The following RB1CC1 variants were observed in gnomAD, a reference collection of about 807,000 sequenced individuals.
RB1CC1 encodes RB1-inducible coiled-coil protein 1.
In RB1CC1, 46 loss-of-function variants were observed where a neutral mutation model predicts 177.5. The observed-to-expected ratio is 0.26, with a 90% CI of 0.20 to 0.33. The LOEUF is 0.33. Ranked by LOEUF, RB1CC1 falls within the 10% of genes least tolerant of loss-of-function variation. The pLI, the probability that RB1CC1 is intolerant of heterozygous loss-of-function variation, is 1.00. For missense variants in RB1CC1, 1,703 were observed against 1,816.3 expected, an observed-to-expected ratio of 0.94 and a Z score of 1.13; for synonymous variants, 666 against 613.6, an observed-to-expected ratio of 1.09 and a Z score of -1.26.
rs766310491 is a variant in RB1CC1 at position 52,642,401 on chromosome 8, T to G, written c.4287A>C (p.Ala1429=). 6.8e-6 allele frequency: 11 copies of G among 1,614,000 alleles called. No individual in the cohort carries two copies. Among genetic ancestry groups the G allele is most frequent in the Middle Eastern group, 1.6e-4 (1 of 6,080 alleles). Residue 1429 remains alanine (A), a synonymous_variant, in exon 18 of 24, where the codon GCA becomes GCC. Transcript: ENST00000025008. ...TTGCTGAATCCACTCTTCCTTCATCTGCTGTTTCCACAGCGGATCTATCTG... is the reference window on the plus strand; with the variant it reads ...TTGCTGAATCCACTCTTCCTTCATCGGCTGTTTCCACAGCGGATCTATCTG... The part of the protein sequence containing the change: ...GESDRSAVET[A]DEGRVDSAME...
At chr8:52,635,776 C>T (rs1392934225) in intron 19 of RB1CC1, among the ~76,000 whole-genome samples, 1 of 152,108 alleles carries the variant, frequency 6.6e-6, no homozygotes, top group African/African-American at 2.4e-5. Context: ...TCCTCTCATA[C>T]AGACTTCATT....
chr8:52,674,179 A>G lies in RB1CC1; in HGVS notation c.668T>C (p.Leu223Ser), dbSNP rs1476068828. ...YRECLGRLDS[L>S]PEHEDSEKAE... The stretch of plus-strand genomic sequence containing the variant: ...TTTTTCTGAGTCTTCATGTTCAGGT[A>G]AAGAATCCAGTCTTCCCAAACATTC... The change falls in exon 7 of 24, where the codon TTA (leucine) becomes TCA (serine). Residue 223 changes from leucine (L) to serine (S), a missense_variant. Leu to Ser is a moderately radical substitution (Grantham distance 145, BLOSUM62 -2). This residue lies in a region of RB1CC1 where 315 missense variants were observed against 304.9 expected (regional missense o/e 1.03). Transcript: ENST00000025008. The G allele has an allele frequency of 1.2e-6, 2 of 1,613,118 alleles. No individual in the cohort carries two copies. The highest frequency in any genetic ancestry group is 1.7e-5 in the Admixed American group (1 of 59,994).
Position 52,658,949 on chromosome 8 carries a change from C to T in RB1CC1, c.1717G>A (p.Glu573Lys). The T allele has an allele frequency of 6.4e-7, 1 of 1,568,746 alleles. No individual in the cohort carries two copies. Among genetic ancestry groups the T allele is most frequent in the Non-Finnish European group, 8.6e-7 (1 of 1,158,348 alleles). Residue 573 changes from glutamate to lysine, a missense_variant, in exon 13 of 24, where the codon GAA becomes AAA. Physicochemically the swap from Glu to Lys is moderately conservative, Grantham distance 56. Transcript: ENST00000025008. ...TCTTTTAATGAAATATCTGGAAGTTCACAGTCAAACTTTCGAGGCTTTTGA... is the reference window on the plus strand; with the variant it reads ...TCTTTTAATGAAATATCTGGAAGTTTACAGTCAAACTTTCGAGGCTTTTGA... Reference protein sequence around the residue: ...CTQKPRKFDCELPDISLKDLQ... With the variant: ...CTQKPRKFDCKLPDISLKDLQ...
At position 52,657,502 on chromosome 8, in the gene RB1CC1, C is replaced by T. The variant is rs775302732; in HGVS notation, c.2327G>A (p.Arg776Gln). The T allele has an allele frequency of 7.4e-6, 12 of 1,613,706 alleles. No homozygotes were observed. Among genetic ancestry groups the T allele is most frequent in the South Asian group, 1.1e-5 (1 of 91,078 alleles). The change falls in exon 15 of 24, where the codon CGA becomes CAA. Residue 776 changes from arginine to glutamine, a missense_variant. Coordinates refer to ENST00000025008, the MANE Select transcript of RB1CC1 (RefSeq NM_014781.5). ...ACCACATACATTTGTATCCTGCATT[C>T]GTCTACTGTCTATCGCATTGATAAC... ...SSVINAIDSRRMQDTNVCGKE... is the reference protein window; with the variant it reads ...SSVINAIDSRQMQDTNVCGKE...
At chr8:52,683,772 A>G in intron 4 of RB1CC1, 53 bp from the exon 5 acceptor site, 1 of 1,560,470 alleles carries the variant, frequency 6.4e-7, no homozygotes, top group Non-Finnish European at 8.7e-7. Context: ...ATAAATACTG[A>G]GCGTGCACAT....
chr8:52,714,083 G>T lies in RB1CC1; in HGVS notation c.-175C>A, dbSNP rs1349976917. ...GCGGCGGCGACACTTACCCGGCAACGCCTCCTCCTTCGCCGGCGGCAGCAG... is the reference window on the plus strand; with the variant it reads ...GCGGCGGCGACACTTACCCGGCAACTCCTCCTCCTTCGCCGGCGGCAGCAG... On this transcript the variant is annotated 5_prime_UTR_variant, in exon 1 of 24. Coordinates refer to ENST00000025008, the MANE Select transcript of RB1CC1 (RefSeq NM_014781.5). 12 of 353,028 alleles carry T rather than the reference G, an allele frequency of 3.4e-5. No individual in the cohort carries two copies. Among genetic ancestry groups the T allele is most frequent in the Non-Finnish European group, 6.8e-5 (12 of 175,284 alleles). The allele number at this position is 353,028 out of a possible 1,614,324, so 21.9% of individuals were successfully genotyped here.
intron 22 of RB1CC1, among the ~76,000 whole-genome samples, chr8:52,626,589 C>T (rs977642139): frequency 1.3e-5 from 2 of 151,916 alleles, no homozygotes; most frequent in South Asian, 4.1e-4. Flanking sequence ...ATCTTTGCGA[C>T]GTTTTCTAAG....
Position 52,673,937 on chromosome 8 carries a change from A to T in RB1CC1, c.910T>A (p.Phe304Ile). The stretch of plus-strand genomic sequence containing the variant: ...ATCCAGTCTAACAAAGAGACATTAA[A>T]AAAGGGCAGATCACCATCTTTAGTG... ...IDTKDGDLPF[F>I]NVSLLDWINV... The change falls in exon 7 of 24, where the codon TTT becomes ATT. Residue 304 changes from phenylalanine to isoleucine, a missense_variant. Physicochemically the swap from Phe to Ile is conservative, Grantham distance 21. Around this residue, in one of 6 missense-constraint regions of RB1CC1, gnomAD observed 315 missense variants for 304.9 expected, o/e 1.03. Transcript: ENST00000025008. 6.2e-7 allele frequency: 1 copy of T among 1,614,170 alleles called. No homozygotes were observed. The highest frequency in any genetic ancestry group is 8.5e-7 in the Non-Finnish European group (1 of 1,180,008).
intron 1 of RB1CC1, among the ~76,000 whole-genome samples, chr8:52,699,830 AATATATATATAT>A (rs1211106554): frequency 1.1e-4 from 3 of 26,702 alleles, no homozygotes; most frequent in South Asian, 2.3e-3. Flanking sequence ...AAAAAAAAAA[AATATATATATAT>A]ATATATATAT....
At chr8:52,660,724 T>C in intron 11 of RB1CC1, 67 bp from the exon 12 acceptor site, 1 of 1,415,392 alleles carries the variant, frequency 7.1e-7, no homozygotes, top group Non-Finnish European at 9.7e-7. Flanking sequence ...TATCTCTGGT[T>C]TTTGAAAAGG....
intron 1 of RB1CC1, among the ~76,000 whole-genome samples, chr8:52,706,240 A>T (rs927573301): frequency 3.9e-5 from 6 of 151,996 alleles, no homozygotes; most frequent in Non-Finnish European, 7.4e-5. Flanking sequence ...CAAGACAAAG[A>T]TTCCCACCAG....
intron 7 of RB1CC1, 21 bp from the exon 8 acceptor site, chr8:52,668,212 T>G: frequency 6.2e-7 from 1 of 1,608,554 alleles, no homozygotes. Flanking sequence ...AGGAAACACA[T>G]ACGAATACAA....
intron 7 of RB1CC1, among the ~76,000 whole-genome samples, chr8:52,669,892 T>C (rs1244771767): frequency 6.6e-6 from 1 of 152,156 alleles, no homozygotes; most frequent in African/African-American, 2.4e-5. Flanking sequence ...ATTGAAAGTA[T>C]AACTGCACTG....
chr8:52,655,112 C>T (rs192995622), intron 15 of RB1CC1, among the ~76,000 whole-genome samples: 66 of 152,212 alleles, frequency 4.3e-4, no homozygotes, highest in African/African-American at 1.5e-3. Context: ...TACATGCAAA[C>T]CCTAATTCCT....
intron 16 of RB1CC1, among the ~76,000 whole-genome samples, chr8:52,645,084 G>A (rs1849900614): frequency 6.6e-6 from 1 of 152,102 alleles, no homozygotes; most frequent in Admixed American, 6.6e-5. Flanking sequence ...TCTCTAACAA[G>A]GCATCTGGTT....
At chr8:52,682,506 A>G (rs1387511770) in intron 5 of RB1CC1, among the ~76,000 whole-genome samples, 1 of 152,184 alleles carries the variant, frequency 6.6e-6, no homozygotes, top group African/African-American at 2.4e-5. Context: ...ATGCCAGCTT[A>G]TATTTAATTC....
Position 52,642,424 on chromosome 8 carries a change from C to G in RB1CC1, c.4264G>C (p.Asp1422His), listed in dbSNP as rs924335117. The change falls in exon 18 of 24, where the codon GAT becomes CAT. Residue 1422 changes from aspartate to histidine, a missense_variant. Physicochemically the swap from Asp to His is moderately conservative, Grantham distance 81. This residue lies in a region of RB1CC1 where 1,169 missense variants were observed against 1,184.7 expected (regional missense o/e 0.99). Transcript: ENST00000025008. The part of the protein sequence containing the change: ...ACAPELPGES[D>H]RSAVETADEG... ...TCTGCTGTTTCCACAGCGGATCTAT[C>G]TGATTCACCTGGGAGTTCAGGTGCA... 8 of 1,613,996 alleles carry G rather than the reference C, an allele frequency of 5.0e-6. No individual in the cohort carries two copies. The highest frequency in any genetic ancestry group is 6.8e-6 in the Non-Finnish European group (8 of 1,179,982).
intron 7 of RB1CC1, among the ~76,000 whole-genome samples, chr8:52,668,446 A>G (rs925558809): frequency 6.6e-6 from 1 of 152,210 alleles, no homozygotes; most frequent in South Asian, 2.1e-4. Flanking sequence ...CAGTGCTACA[A>G]TTTAATCACT....
chr8:52,679,862 ACTTG>A (rs1853534560), intron 5 of RB1CC1, among the ~76,000 whole-genome samples: 1 of 152,120 alleles, frequency 6.6e-6, no homozygotes, highest in Non-Finnish European at 1.5e-5. Context: ...TATGTTACAT[ACTTG>A]CAAAAAGCCA....
Sources: gnomAD v4.1 joint callset for allele counts (sites outside exome capture counted in the v4.1 genomes callset) on GRCh38, gnomAD v4.1.1 for gene constraint, gnomAD v4.1.1 regional missense constraint, MANE v1.5 for transcripts, NCBI Gene and HGNC (gene_info 2026-07-23, HGNC 2026-07-21) for gene names.